Variants in GPR155 observed in about 807,000 individuals in gnomAD.
GPR155 encodes lysosomal cholesterol signaling protein.
Under a neutral mutation model 93.1 loss-of-function variants are expected in GPR155, and 65 were observed. That is an observed-to-expected ratio of 0.70 (90% CI 0.57 to 0.86). GPR155 has a LOEUF of 0.86. GPR155 is among the 40% of genes least tolerant of loss of function. GPR155 has a pLI of 0.00. For synonymous variants in GPR155, 319 were observed against 360.1 expected (o/e 0.89, Z 1.29); for missense variants, 838 against 1,034.8 (o/e 0.81, Z 2.61).
chr2:174,481,591 T>C lies in GPR155; in HGVS notation c.366A>G (p.Leu122=), dbSNP rs768491237. Residue 122 remains leucine (L), a synonymous_variant, in exon 2 of 16, where the codon TTA becomes TTG. Transcript: ENST00000392552. ...SVFFIVCVLT[L]LVASPDSRFS... Reference sequence around the variant, plus strand: ...ATCGACTATCAGGACTGGCAACCAATAAGGTTAATACACATACAATGAAAA... The same window carrying C: ...ATCGACTATCAGGACTGGCAACCAACAAGGTTAATACACATACAATGAAAA... 1 of 1,613,482 alleles carries C rather than the reference T, an allele frequency of 6.2e-7. No individual in the cohort carries two copies.
intron 12 of GPR155, 58 bp from the exon 13 acceptor site, chr2:174,445,234 A>C (rs1203531291): frequency 2.4e-6 from 2 of 825,996 alleles, no homozygotes; most frequent in African/African-American, 1.7e-5. Context: ...ATTCCTCTCC[A>C]TCCACAGCAT....
intron 7 of GPR155, among the ~76,000 whole-genome samples, chr2:174,463,126 CTT>C (rs5836457): frequency 3.5e-4 from 49 of 139,602 alleles, no homozygotes; most frequent in Admixed American, 3.6e-4. Flanking sequence ...TTTTTTCTTT[CTT>C]TTTTTTTTTT....
intron 11 of GPR155, among the ~76,000 whole-genome samples, chr2:174,452,461 CA>C (rs1048537308): frequency 3.9e-5 from 6 of 152,220 alleles, no homozygotes; most frequent in African/African-American, 1.4e-4. Context: ...ATGCCTTTAG[CA>C]ATAATACAGT....
chr2:174,466,565 T>C lies in GPR155; in HGVS notation c.1245A>G (p.Thr415=). 1.3e-6 allele frequency: 2 copies of C among 1,565,736 alleles called. No individual in the cohort carries two copies. The highest frequency in any genetic ancestry group is 2.3e-5 in the East Asian group (1 of 44,412). ...KKYKQLPHML[T]TNLLIAQSIV... ...TAACCTGAGCAATGAGTAAATTAGT[T>C]GTAAGCATATGAGGAAGCTGTTTAT... Residue 415 remains threonine, a synonymous_variant, in exon 6 of 16, where the codon ACA becomes ACG. Coordinates refer to ENST00000392552, the MANE Select transcript of GPR155 (RefSeq NM_152529.7).
chr2:174,481,733 T>C lies in GPR155; in HGVS notation c.224A>G (p.Asn75Ser), dbSNP rs747857645. The C allele has an allele frequency of 4.3e-5, 70 of 1,614,032 alleles. No individual in the cohort carries two copies. The highest frequency in any genetic ancestry group is 5.6e-5 in the Non-Finnish European group (66 of 1,179,994). ...TGGAAGTGCAAATCTGGAGACAAAA[T>C]TTCCTAGTCCTTTGGCCTGGGTTGA... ...ITSTQAKGLG[N>S]FVSRFALPAL... Residue 75 changes from asparagine (N) to serine (S), a missense_variant, in exon 2 of 16, where the codon AAT (asparagine) becomes AGT (serine). Physicochemically the swap from Asn to Ser is conservative, Grantham distance 46. Around this residue, in one of 3 missense-constraint regions of GPR155, gnomAD observed 663 missense variants for 790.1 expected, o/e 0.84. Coordinates refer to ENST00000392552, the MANE Select transcript of GPR155 (RefSeq NM_152529.7).
chr2:174,483,958 A>C lies in GPR155; in HGVS notation c.-31-1971T>G, dbSNP rs1020377144. Among the ~76,000 whole-genome samples the C allele has an allele frequency of 1.8e-4, 28 of 152,292 alleles. 1 individual carries two copies. Among genetic ancestry groups the C allele is most frequent in the African/African-American group, 6.7e-4 (28 of 41,552 alleles). On this transcript the variant is annotated intron_variant, in intron 1 of 15. Transcript: ENST00000392552. ...AGACTGATATAAGGTAGAAAGTAAAAAGCTCATGCTTCCAGAAATTTACAA... is the reference window on the plus strand; with the variant it reads ...AGACTGATATAAGGTAGAAAGTAAACAGCTCATGCTTCCAGAAATTTACAA...
chr2:174,457,050 GC>G (rs1687539443), intron 10 of GPR155, among the ~76,000 whole-genome samples: 1 of 152,144 alleles, frequency 6.6e-6, no homozygotes, highest in African/African-American at 2.4e-5. Flanking sequence ...AGTGGCTCAT[GC>G]CTGTATTCCC....
intron 2 of GPR155, among the ~76,000 whole-genome samples, chr2:174,478,660 A>C: frequency 6.6e-6 from 1 of 152,274 alleles, no homozygotes; most frequent in South Asian, 2.1e-4. Context: ...TCATTAACTT[A>C]TATGTCTTCT....
chr2:174,457,394 T>C (rs1394196376), intron 10 of GPR155, among the ~76,000 whole-genome samples: 1 of 152,202 alleles, frequency 6.6e-6, no homozygotes, highest in East Asian at 1.9e-4. Flanking sequence ...GTTAATATAT[T>C]TGATTACAAA....
chr2:174,464,122 A>G (rs917275072), intron 7 of GPR155, among the ~76,000 whole-genome samples: 4 of 152,232 alleles, frequency 2.6e-5, no homozygotes, highest in Non-Finnish European at 5.9e-5. Context: ...TGTCTCACTG[A>G]AGCTGTGAGA....
rs1206300366 is a variant in GPR155 at position 174,436,015 on chromosome 2, C to T, written c.*101G>A. ...TTTTACAGAAGAGACAACTGAGGCT[C>T]AGAGAGGTTGCCTCTGTTAACTTGC... On this transcript the variant is annotated 3_prime_UTR_variant, in exon 16 of 16. Coordinates refer to ENST00000392552, the MANE Select transcript of GPR155 (RefSeq NM_152529.7). 4.7e-6 allele frequency: 4 copies of T among 852,518 alleles called. No individual in the cohort carries two copies. The highest frequency in any genetic ancestry group is 2.5e-5 in the East Asian group (1 of 40,582). 52.8% of individuals were successfully genotyped at this position (852,518 alleles called of 1,614,324 possible).
intron 14 of GPR155, among the ~76,000 whole-genome samples, chr2:174,440,518 T>C (rs1686926911): frequency 6.6e-6 from 1 of 152,210 alleles, no homozygotes; most frequent in African/African-American, 2.4e-5. Flanking sequence ...TTGATTATTT[T>C]ACCCAGTCAA....
chr2:174,472,940 C>G, intron 3 of GPR155, 25 bp downstream of exon 3: 2 of 1,564,374 alleles, frequency 1.3e-6, no homozygotes, highest in Non-Finnish European at 1.7e-6. Context: ...AAGTACAATT[C>G]TCAAGTTAAA....
intron 3 of GPR155, among the ~76,000 whole-genome samples, chr2:174,471,504 AAAC>A (rs1687998591): frequency 6.6e-6 from 1 of 151,936 alleles, no homozygotes; most frequent in African/African-American, 2.4e-5. Context: ...AAAGGAACTA[AAAC>A]AACTGAGATG....
rs1559112326 is a variant in GPR155 at position 174,465,852 on chromosome 2, AT to A, written c.1316del (p.Asn439IlefsTer26). On this transcript the variant is annotated frameshift_variant, in exon 7 of 16. Transcript: ENST00000392552. LOFTEE classifies it high-confidence loss of function. ...MMIWNFVKEK[N>X]FVGQILVFVL... is the part of the protein sequence containing the mutation. ...CAAACACCAAAATTTGTCCAACAAA[AT>A]TTTTTTCTTTAACAAAATTCCATAT... 2.5e-6 allele frequency: 4 copies of A among 1,608,280 alleles called. No individual in the cohort carries two copies. Among genetic ancestry groups the A allele is most frequent in the Non-Finnish European group, 2.6e-6 (3 of 1,175,532 alleles).
In GPR155 at chr2:174,473,394, G is replaced by C. The variant is rs996334803; in HGVS notation, c.461-30C>G. On this transcript the variant is annotated intron_variant, in intron 2 of 15. Coordinates refer to ENST00000392552, the MANE Select transcript of GPR155 (RefSeq NM_152529.7). ...AAAACAAGAATATTGATTTTTAAAT[G>C]ATGACCACAGAAATACAGATATATG... 1.2e-5 allele frequency: 16 copies of C among 1,367,564 alleles called. No individual in the cohort carries two copies. In the Admixed American group the frequency reaches 1.3e-4, roughly 11 times the overall value. The allele number at this position is 1,367,564 out of a possible 1,614,324, so 84.7% of individuals were successfully genotyped here.
intron 10 of GPR155, among the ~76,000 whole-genome samples, chr2:174,454,551 A>G (rs536688262): frequency 1.3e-5 from 2 of 151,698 alleles, no homozygotes; most frequent in African/African-American, 4.8e-5. Flanking sequence ...GCTTCTTGGG[A>G]GGATGAGGTG....
At chr2:174,447,739 A>G (rs910730323) in intron 11 of GPR155, among the ~76,000 whole-genome samples, 22 of 147,780 alleles carry the variant, frequency 1.5e-4, no homozygotes, top group African/African-American at 5.2e-4. Flanking sequence ...AGTGGGAGCT[A>G]AATATCAGAT....
rs554741134 is a variant in GPR155, at chr2:174,471,713, G to A, written c.861-1158C>T. Among the ~76,000 whole-genome samples the A allele has an allele frequency of 4.9e-4, 75 of 152,210 alleles. No individual in the cohort carries two copies. The Middle Eastern group carries it at 0.014, about 28-fold the overall frequency. On this transcript the variant is annotated intron_variant, in intron 3 of 15. Coordinates refer to ENST00000392552, the MANE Select transcript of GPR155 (RefSeq NM_152529.7). ...CTGGGATGGAGTAAAGAACTACTCT[G>A]ATCTGTACTTTTTAAATTAAAAAAC...
Sources: gnomAD v4.1 joint callset for allele counts (sites outside exome capture counted in the v4.1 genomes callset) on GRCh38, gnomAD v4.1.1 for gene constraint, gnomAD v4.1.1 regional missense constraint, MANE v1.5 for transcripts, NCBI Gene and HGNC (gene_info 2026-07-23, HGNC 2026-07-21) for gene names.